ZFAND3: variants seen among roughly 807,000 people sequenced by gnomAD.
ZFAND3 encodes the protein zinc finger AN1-type containing 3.
ZFAND3 carries 10 observed loss-of-function variants against 29.6 expected under a neutral mutation model. The ratio of observed to expected loss-of-function variants is 0.34; its 90% CI spans 0.21 to 0.57. ZFAND3 has a LOEUF of 0.57. Ranked by LOEUF, ZFAND3 falls within the 20% of genes least tolerant of loss-of-function variation. ZFAND3 has a pLI of 0.86. For missense variants in ZFAND3, 230 were observed against 304.5 expected, an observed-to-expected ratio of 0.76 and a Z score of 1.82; for synonymous variants, 128 against 112.6, an observed-to-expected ratio of 1.14 and a Z score of -0.87.
chr6:37,978,889 T>G (rs1440307209), intron 2 of ZFAND3, among the ~76,000 whole-genome samples: 1 of 152,120 alleles, frequency 6.6e-6, no homozygotes, highest in African/African-American at 2.4e-5. Flanking sequence ...GGCCAGCATT[T>G]TATGCTTTTA....
intron 1 of ZFAND3, among the ~76,000 whole-genome samples, chr6:37,896,093 T>G (rs1486952381): frequency 2.0e-5 from 3 of 152,230 alleles, no homozygotes; most frequent in African/African-American, 7.2e-5. Context: ...ATGGTTATAC[T>G]GATTTTGTTT....
intron 2 of ZFAND3, among the ~76,000 whole-genome samples, chr6:37,944,457 C>T (rs1023061642): frequency 6.6e-6 from 1 of 152,060 alleles, no homozygotes; most frequent in African/African-American, 2.4e-5. Context: ...AGACAAAATT[C>T]TTTTCTCAAA....
chr6:37,834,429 T>G (rs1763925225), intron 1 of ZFAND3, among the ~76,000 whole-genome samples: 2 of 152,192 alleles, frequency 1.3e-5, no homozygotes, highest in African/African-American at 4.8e-5. Flanking sequence ...CTTCCAAGTT[T>G]TGGCAATTAT....
intron 5 of ZFAND3, among the ~76,000 whole-genome samples, chr6:38,132,430 C>G (rs1368705789): frequency 6.6e-6 from 1 of 152,200 alleles, no homozygotes; most frequent in African/African-American, 2.4e-5. Context: ...TTGCTTGAGC[C>G]TAGGAATTTG....
chr6:38,022,129 A>G (rs1051017500), intron 2 of ZFAND3, among the ~76,000 whole-genome samples: 1 of 152,208 alleles, frequency 6.6e-6, no homozygotes, highest in Non-Finnish European at 1.5e-5. Flanking sequence ...GAAATGCAGA[A>G]TCTCAGGTCC....
intron 2 of ZFAND3, among the ~76,000 whole-genome samples, chr6:37,945,367 C>A (rs1761883438): frequency 6.6e-6 from 1 of 152,068 alleles, no homozygotes; most frequent in African/African-American, 2.4e-5. Context: ...TAATTTTGGA[C>A]AATGGGAAAT....
intron 1 of ZFAND3, among the ~76,000 whole-genome samples, chr6:37,863,621 T>TC (rs914160161): frequency 5.3e-5 from 8 of 152,094 alleles, no homozygotes; most frequent in African/African-American, 1.4e-4. Context: ...TTTTTTTTTT[T>TC]CTTTTTCAGT....
intron 1 of ZFAND3, among the ~76,000 whole-genome samples, chr6:37,893,094 A>G (rs1345482607): frequency 6.6e-6 from 1 of 152,098 alleles, no homozygotes; most frequent in Admixed American, 6.6e-5. Flanking sequence ...AGCACTTCCC[A>G]ACTCATGAGG....
chr6:37,944,521 CTG>C (rs1017124211), intron 2 of ZFAND3, among the ~76,000 whole-genome samples: 1 of 152,136 alleles, frequency 6.6e-6, no homozygotes, highest in Non-Finnish European at 1.5e-5. Flanking sequence ...AGAGAAAAAA[CTG>C]TGTGTATGCT....
chr6:38,075,758 T>TTTTGTTTG (rs56364004), intron 3 of ZFAND3, among the ~76,000 whole-genome samples: 2 of 151,472 alleles, frequency 1.3e-5, no homozygotes, highest in African/African-American at 4.9e-5. Context: ...AGTTGGGTTT[T>TTTTGTTTG]TTTGTTTGTT....
At chr6:37,938,065 C>G (rs1457267508) in intron 2 of ZFAND3, among the ~76,000 whole-genome samples, 1 of 152,180 alleles carries the variant, frequency 6.6e-6, no homozygotes, top group East Asian at 1.9e-4. Flanking sequence ...TCAGAGACAA[C>G]TACTCTCCTT....
At chr6:38,016,060 A>G (rs1378263857) in intron 2 of ZFAND3, among the ~76,000 whole-genome samples, 1 of 152,208 alleles carries the variant, frequency 6.6e-6, no homozygotes. Context: ...ATAGAACAGC[A>G]GACTGTGTCT....
Position 38,154,279 on chromosome 6 carries a change from C to G in ZFAND3, c.*1890C>G. On this transcript the variant is annotated 3_prime_UTR_variant, in exon 6 of 6. Transcript: ENST00000287218. ...GGCCCTCCCCAGGGCCCCCCGCCCC[C>G]TCCTCTGCCTGCTGCGTGGAGGCAG... The G allele has an allele frequency of 1.0e-6, 1 of 985,520 alleles. No homozygotes were observed. 61.0% of individuals were successfully genotyped at this position (985,520 alleles called of 1,614,324 possible).
rs66941014 is a variant in ZFAND3, at chr6:37,918,951, C to CTTTT, written c.72-10991_72-10988dup. Among the ~76,000 whole-genome samples, 114 of 104,706 alleles carry CTTTT rather than the reference C, an allele frequency of 1.1e-3. 10 individuals carry two copies. The highest frequency in any genetic ancestry group is 3.0e-3 in the African/African-American group (74 of 24,568). The allele number at this position is 104,706 out of a possible 152,430, so 68.7% of individuals were successfully genotyped here. A position where few individuals can be genotyped will look rare whatever the true frequency, so the allele number is the denominator to read the frequency against. On this transcript the variant is annotated intron_variant, in intron 1 of 5. Transcript: ENST00000287218. ...TGTGTTTTCAAAACATGAAAAATGC[C>CTTTT]TTTTTTTTTTTTTTTTTTTTGAGAC...
chr6:38,089,650 T>G (rs1371117717), intron 4 of ZFAND3, among the ~76,000 whole-genome samples: 1 of 152,214 alleles, frequency 6.6e-6, no homozygotes, highest in Non-Finnish European at 1.5e-5. Context: ...GTGTTGGTAT[T>G]AAATCAGAAG....
At chr6:37,843,365 T>C (rs1224966074) in intron 1 of ZFAND3, among the ~76,000 whole-genome samples, 3 of 151,678 alleles carry the variant, frequency 2.0e-5, no homozygotes, top group East Asian at 2.0e-4. Flanking sequence ...CGGGCACCTG[T>C]AGTCCCAGCT....
chr6:38,060,919 G>GATTTTTGCATCCCGTGAATATTGT (rs1764225222), intron 2 of ZFAND3, among the ~76,000 whole-genome samples: 1 of 152,058 alleles, frequency 6.6e-6, no homozygotes, highest in African/African-American at 2.4e-5. Flanking sequence ...TTCCATATAT[G>GATTTTTGCATCCCGTGAATATTGT]ATTTTTGCAT....
chr6:37,915,496 T>G (rs1377843543), intron 1 of ZFAND3: 1 of 152,246 alleles, frequency 6.6e-6, no homozygotes, highest in Non-Finnish European at 1.5e-5. Context: ...TCTTTTCAGT[T>G]GAACACTTAG....
intron 2 of ZFAND3, among the ~76,000 whole-genome samples, chr6:37,974,012 C>G (rs1762434851): frequency 6.6e-6 from 1 of 152,124 alleles, no homozygotes; most frequent in African/African-American, 2.4e-5. Context: ...TCAAAATTGC[C>G]AGACTTGGAA....
Sources: gnomAD v4.1 joint callset for allele counts (sites outside exome capture counted in the v4.1 genomes callset) on GRCh38, gnomAD v4.1.1 for gene constraint, MANE v1.5 for transcripts, NCBI Gene and HGNC (gene_info 2026-07-23, HGNC 2026-07-21) for gene names.